Variants in SATB2 observed in about 807,000 individuals in gnomAD.
SATB2 encodes the protein SATB homeobox 2, also known as DNA-binding protein SATB2.
A neutral mutation model predicts 73.4 loss-of-function variants in SATB2; 1 was observed. The ratio of observed to expected loss-of-function variants is 0.01; its 90% CI spans 0.00 to 0.06. The LOEUF (loss-of-function observed/expected upper bound fraction) is 0.06. SATB2 is among the 10% of genes least tolerant of loss of function. The pLI, the probability that SATB2 is intolerant of heterozygous loss-of-function variation, is 1.00. For synonymous variants in SATB2, 397 were observed against 367.0 expected (o/e 1.08, Z -0.93); for missense variants, 459 against 945.8 (o/e 0.49, Z 6.75).
intron 7 of SATB2, among the ~76,000 whole-genome samples, chr2:199,343,060 T>C (rs1032537819): frequency 6.6e-6 from 1 of 152,160 alleles, no homozygotes; most frequent in Non-Finnish European, 1.5e-5. Flanking sequence ...CAGGGTTTTC[T>C]TTTCTAACAG....
chr2:199,419,542 T>A (rs1278046668), intron 3 of SATB2, among the ~76,000 whole-genome samples: 1 of 152,192 alleles, frequency 6.6e-6, no homozygotes, highest in Non-Finnish European at 1.5e-5. Flanking sequence ...TTTTTAAAAA[T>A]TTTAGCATGG....
At chr2:199,350,288 T>C (rs915442465) in intron 6 of SATB2, among the ~76,000 whole-genome samples, 1 of 151,954 alleles carries the variant, frequency 6.6e-6, no homozygotes, top group Non-Finnish European at 1.5e-5. Context: ...CTCCCTATTA[T>C]ACAAATGGAA....
chr2:199,333,609 A>T (rs1262776233), intron 7 of SATB2, among the ~76,000 whole-genome samples: 3 of 152,118 alleles, frequency 2.0e-5, no homozygotes, highest in Admixed American at 1.3e-4. Flanking sequence ...AAAACTGATA[A>T]AGTGGTAGAA....
chr2:199,323,469 T>G (rs918438445), intron 9 of SATB2, among the ~76,000 whole-genome samples: 7 of 60,836 alleles, frequency 1.2e-4, no homozygotes, highest in African/African-American at 4.5e-4. Context: ...ATTCTAAGTT[T>G]TGTTCATACA....
chr2:199,436,196 A>C (rs1188859303), intron 2 of SATB2, among the ~76,000 whole-genome samples: 1 of 152,212 alleles, frequency 6.6e-6, no homozygotes, highest in African/African-American at 2.4e-5. Flanking sequence ...AAAAAACTTA[A>C]GACCATATTA....
intron 7 of SATB2, among the ~76,000 whole-genome samples, chr2:199,338,238 C>T (rs1688394259): frequency 6.6e-6 from 1 of 152,064 alleles, no homozygotes; most frequent in Non-Finnish European, 1.5e-5. Context: ...CATGGTGACA[C>T]ATGGCTGTAA....
intron 3 of SATB2, among the ~76,000 whole-genome samples, chr2:199,398,225 G>C (rs139149010): frequency 2.6e-5 from 4 of 152,238 alleles, no homozygotes; most frequent in Admixed American, 6.5e-5. Flanking sequence ...GGCCACACAG[G>C]AACGAAAGAC....
chr2:199,298,924 T>A (rs1383244549), intron 10 of SATB2, among the ~76,000 whole-genome samples: 1 of 152,190 alleles, frequency 6.6e-6, no homozygotes, highest in East Asian at 1.9e-4. Context: ...AAGGCTCCCA[T>A]CTTCCTAGAA....
At chr2:199,318,399 G>A (rs1245766011) in intron 9 of SATB2, among the ~76,000 whole-genome samples, 1 of 152,076 alleles carries the variant, frequency 6.6e-6, no homozygotes, top group Non-Finnish European at 1.5e-5. Flanking sequence ...ACTAAGTAAT[G>A]AGACAAGATA....
At chr2:199,382,819 C>T (rs904298945) in intron 3 of SATB2, among the ~76,000 whole-genome samples, 2 of 152,086 alleles carry the variant, frequency 1.3e-5, no homozygotes, top group Non-Finnish European at 2.9e-5. Flanking sequence ...AGCAGTGATG[C>T]TTTAGTGATA....
chr2:199,281,070 T>C (rs1254332160), intron 10 of SATB2, among the ~76,000 whole-genome samples: 1 of 152,046 alleles, frequency 6.6e-6, no homozygotes, highest in Non-Finnish European at 1.5e-5. Flanking sequence ...TGGCCGACAC[T>C]TAGGGAAAAT....
At chr2:199,367,620 C>T (rs1417939294) in intron 6 of SATB2, among the ~76,000 whole-genome samples, 1 of 152,086 alleles carries the variant, frequency 6.6e-6, no homozygotes, top group Admixed American at 6.6e-5. Flanking sequence ...CATAAATTGT[C>T]ATTTGCCCCT....
intron 3 of SATB2, among the ~76,000 whole-genome samples, chr2:199,386,708 GCGCGCGCGCACACACACACACACACA>G (rs751976074): frequency 6.8e-4 from 31 of 45,862 alleles, no homozygotes; most frequent in South Asian, 2.2e-3. Context: ...GCGCGCGCGC[GCGCGCGCGCACACACACACACACACA>G]CACACACACA....
intron 9 of SATB2, among the ~76,000 whole-genome samples, chr2:199,314,465 A>G (rs1331710852): frequency 1.3e-5 from 2 of 152,144 alleles, no homozygotes; most frequent in Admixed American, 1.3e-4. Context: ...TAAATTGCAA[A>G]TAGTAATAGT....
intron 2 of SATB2, among the ~76,000 whole-genome samples, chr2:199,450,805 T>C (rs1692101878): frequency 6.6e-6 from 1 of 152,076 alleles, no homozygotes; most frequent in South Asian, 2.1e-4. Context: ...TTGTCAGATA[T>C]ACCAAATAAT....
At chr2:199,397,665 T>C in intron 3 of SATB2, 1 of 262,646 alleles carries the variant, frequency 3.8e-6, no homozygotes, top group Non-Finnish European at 7.8e-6. Context: ...GAGGTGGGCA[T>C]TTCACTTGAG....
At chr2:199,398,729 T>A (rs1188222430) in intron 3 of SATB2, among the ~76,000 whole-genome samples, 1 of 152,218 alleles carries the variant, frequency 6.6e-6, no homozygotes, top group Non-Finnish European at 1.5e-5. Context: ...ACTATTATTG[T>A]TGATGTTACA....
At chr2:199,411,350 C>T (rs7580298) in intron 3 of SATB2, among the ~76,000 whole-genome samples, 1,887 of 152,232 alleles carry the variant, frequency 0.012, 33 homozygotes, top group African/African-American at 0.039. Flanking sequence ...CTTAACTTTC[C>T]TTGCTTATAT....
chr2:199,448,911 T>C (rs1692045901), intron 2 of SATB2, among the ~76,000 whole-genome samples: 1 of 152,144 alleles, frequency 6.6e-6, no homozygotes, highest in Admixed American at 6.5e-5. Flanking sequence ...CACACACTAT[T>C]AGTGAGTAAC....
Sources: allele counts gnomAD v4.1 joint callset (sites outside exome capture counted in the v4.1 genomes callset), GRCh38; gene constraint gnomAD v4.1.1; transcripts MANE v1.5; gene names NCBI Gene and HGNC (gene_info 2026-07-23, HGNC 2026-07-21).